PTK2B: variants seen among roughly 807,000 people sequenced by gnomAD.
PTK2B encodes the protein protein tyrosine kinase 2 beta, also known as protein-tyrosine kinase 2-beta.
Under a neutral mutation model 142.9 loss-of-function variants are expected in PTK2B, and 71 were observed. The observed-to-expected ratio is 0.50, with a 90% CI of 0.41 to 0.61. The LOEUF (loss-of-function observed/expected upper bound fraction) is 0.61. Ranked by LOEUF, PTK2B falls within the 20% of genes least tolerant of loss-of-function variation. The pLI is 0.00. For synonymous variants in PTK2B, 519 were observed against 503.4 expected (o/e 1.03, Z -0.42); for missense variants, 1,105 against 1,320.4 (o/e 0.84, Z 2.53).
intron 1 of PTK2B, among the ~76,000 whole-genome samples, chr8:27,395,007 G>C (rs1807955892): frequency 1.3e-5 from 2 of 152,088 alleles, no homozygotes; most frequent in African/African-American, 4.8e-5. Context: ...TCGCGTATGA[G>C]AGTAATGTCT....
At chr8:27,451,368 C>A in intron 26 of PTK2B, 117 bp from the exon 27 acceptor site, 1 of 1,513,386 alleles carries the variant, frequency 6.6e-7, no homozygotes, top group East Asian at 2.3e-5. Context: ...CACCCCCGAC[C>A]CCATGGCTGT....
Position 27,431,122 on chromosome 8 carries a change from C to G in PTK2B, c.810+106C>G. On this transcript the variant is annotated intron_variant, in intron 8 of 30. Transcript: ENST00000346049. ...AGGCTGCAATCGCTGCAGATTCTCA[C>G]TCAGGCAGCAGGACCTCGCTGACCT... 2.0e-6 allele frequency: 3 copies of G among 1,517,702 alleles called. No individual in the cohort carries two copies. The Admixed American group carries it at 5.8e-5, about 29-fold the overall frequency. 94.0% of individuals were successfully genotyped at this position (1,517,702 alleles called of 1,614,324 possible).
intron 1 of PTK2B, among the ~76,000 whole-genome samples, chr8:27,341,447 A>T (rs952570385): frequency 2.0e-5 from 3 of 152,218 alleles, no homozygotes; most frequent in African/African-American, 4.8e-5. Context: ...AATGAGGGGC[A>T]TCAGAGAGAT....
chr8:27,419,927 G>A lies in PTK2B; in HGVS notation c.237G>A (p.Arg79=). Reference sequence around the variant, plus strand: ...TCACCTCCATCCTGCTGAGCGGGCGGATCGGGCCCAACATCCGGTTGGCTG... The same window carrying A: ...TCACCTCCATCCTGCTGAGCGGGCGAATCGGGCCCAACATCCGGTTGGCTG... ...EIITSILLSG[R]IGPNIRLAEC... is the part of the protein sequence containing the mutation. The change falls in exon 3 of 31, where the codon CGG becomes CGA. Residue 79 remains arginine, a synonymous_variant. Coordinates refer to ENST00000346049, the MANE Select transcript of PTK2B (RefSeq NM_173176.3). 6.2e-7 allele frequency: 1 copy of A among 1,614,230 alleles called. No homozygotes were observed. The highest frequency in any genetic ancestry group is 8.5e-7 in the Non-Finnish European group (1 of 1,180,046).
At chr8:27,318,503 C>T (rs1803139744) in intron 3 of PTK2B, among the ~76,000 whole-genome samples, 1 of 152,098 alleles carries the variant, frequency 6.6e-6, no homozygotes, top group South Asian at 2.1e-4. Flanking sequence ...TTCCAGGCAG[C>T]CACTCTTTCT....
Position 27,363,791 on chromosome 8 carries a change from G to A in PTK2B, c.-37-33757G>A, listed in dbSNP as rs985244252. ...TGCTGGGCTGTGACAGTCACTTGGC[G>A]TTCCTGGGACATGTTCATGTGAATT... On this transcript the variant is annotated intron_variant, in intron 1 of 30. Transcript: ENST00000346049. This position sits in a 1 kb window ranked among gnomAD's most constrained non-coding sequence, Gnocchi z 4.3. Among the ~76,000 whole-genome samples, 9 of 152,158 alleles carry A rather than the reference G, an allele frequency of 5.9e-5. No homozygotes were observed. Among genetic ancestry groups the A allele is most frequent in the Non-Finnish European group, 1.2e-4 (8 of 68,026 alleles).
chr8:27,311,268 T>A, upstream of PTK2B: 1 of 1,469,592 alleles, frequency 6.8e-7, no homozygotes, highest in Non-Finnish European at 9.0e-7. Context: ...GCCCGGAACT[T>A]TTGCTCCGGC....
At chr8:27,403,554 T>C (rs1017275226) in intron 2 of PTK2B, among the ~76,000 whole-genome samples, 1 of 152,248 alleles carries the variant, frequency 6.6e-6, no homozygotes, top group African/African-American at 2.4e-5. Flanking sequence ...TTCTATTTCC[T>C]TTTTGTTTGA....
chr8:27,362,713 ACCCAGCCTC>A (rs1805786124), intron 1 of PTK2B, among the ~76,000 whole-genome samples: 2 of 151,742 alleles, frequency 1.3e-5, no homozygotes, highest in Admixed American at 1.3e-4. Flanking sequence ...GACAGGAGGG[ACCCAGCCTC>A]GGGAGCCTGT....
chr8:27,394,391 A>G (rs1016777361), intron 1 of PTK2B, among the ~76,000 whole-genome samples: 4 of 152,254 alleles, frequency 2.6e-5, no homozygotes, highest in South Asian at 2.1e-4. Flanking sequence ...GCTGTAGGCA[A>G]TTGTAACACA....
intron 2 of PTK2B, among the ~76,000 whole-genome samples, chr8:27,403,615 C>A (rs1379937597): frequency 1.3e-5 from 2 of 152,136 alleles, no homozygotes; most frequent in African/African-American, 2.4e-5. Flanking sequence ...CTGGGGCAAG[C>A]AGAGGCTCAT....
chr8:27,359,961 G>A (rs1023500822), intron 1 of PTK2B, among the ~76,000 whole-genome samples: 1 of 152,176 alleles, frequency 6.6e-6, no homozygotes, highest in Admixed American at 6.5e-5. Flanking sequence ...TGATACCCAG[G>A]TGGCCTCCAT....
At chr8:27,395,623 G>A (rs1260150149) in intron 1 of PTK2B, among the ~76,000 whole-genome samples, 3 of 152,178 alleles carry the variant, frequency 2.0e-5, no homozygotes, top group Admixed American at 6.5e-5. Context: ...CCCTTGTGCA[G>A]AACTGGCTGG....
chr8:27,359,773 CCAGA>C (rs927656848), intron 1 of PTK2B, among the ~76,000 whole-genome samples: 17 of 152,198 alleles, frequency 1.1e-4, no homozygotes, highest in African/African-American at 3.9e-4. Flanking sequence ...TTCCTGGGAC[CCAGA>C]CAGAGGTCAA....
At chr8:27,354,843 T>C (rs1424755174) in intron 1 of PTK2B, among the ~76,000 whole-genome samples, 3 of 152,160 alleles carry the variant, frequency 2.0e-5, no homozygotes, top group Non-Finnish European at 2.9e-5. Flanking sequence ...CTGTCTCTCC[T>C]GGGCTGGAAC....
chr8:27,407,028 G>A (rs985126873), intron 2 of PTK2B, among the ~76,000 whole-genome samples: 15 of 152,210 alleles, frequency 9.9e-5, no homozygotes, highest in South Asian at 2.1e-4. Flanking sequence ...CAATCTCAGC[G>A]TGGCATCAAG....
chr8:27,310,821 C>A, upstream of PTK2B: 1 of 1,605,238 alleles, frequency 6.2e-7, no homozygotes. Context: ...TGGGCAGTGT[C>A]CTTCACCGGC....
intron 2 of PTK2B, among the ~76,000 whole-genome samples, chr8:27,416,112 C>A (rs1110610): frequency 0.81 from 123,556 of 151,816 alleles, 50,788 homozygotes; most frequent in Middle Eastern, 0.95. Context: ...CAGTTCTCTC[C>A]AATTAAGCTA....
chr8:27,331,079 A>G (rs1803717826), intron 1 of PTK2B, among the ~76,000 whole-genome samples: 1 of 152,210 alleles, frequency 6.6e-6, no homozygotes, highest in Non-Finnish European at 1.5e-5. Flanking sequence ...AGAATCTGGT[A>G]AGATCACTCA....
Sources: allele counts gnomAD v4.1 joint callset (sites outside exome capture counted in the v4.1 genomes callset), GRCh38; gene constraint gnomAD v4.1.1; non-coding constraint Gnocchi (gnomAD v3.1); transcripts MANE v1.5; gene names NCBI Gene and HGNC (gene_info 2026-07-23, HGNC 2026-07-21).